Variants in SNX2 observed in about 807,000 individuals in gnomAD.
SNX2 encodes sorting nexin-2.
In SNX2, 25 loss-of-function variants were observed where a neutral mutation model predicts 69.9. The ratio of observed to expected loss-of-function variants is 0.36; its 90% CI spans 0.26 to 0.50. SNX2 has a LOEUF of 0.50. SNX2 is among the 20% of genes least tolerant of loss of function. The probability of loss-of-function intolerance (pLI) is 0.97; values close to 1 mark genes in which losing one functional copy is unlikely to be tolerated. For missense variants in SNX2, 551 were observed against 613.3 expected, an observed-to-expected ratio of 0.90 and a Z score of 1.07; for synonymous variants, 229 against 200.4, an observed-to-expected ratio of 1.14 and a Z score of -1.20.
chr5:122,829,049 G>A (rs998798652), intron 14 of SNX2, among the ~76,000 whole-genome samples: 1 of 152,044 alleles, frequency 6.6e-6, no homozygotes, highest in African/African-American at 2.4e-5. Context: ...ACTGGGAGGT[G>A]GAGGTTGCAG....
At chr5:122,807,607 A>C (rs1440867794) in intron 6 of SNX2, among the ~76,000 whole-genome samples, 1 of 152,216 alleles carries the variant, frequency 6.6e-6, no homozygotes, top group Non-Finnish European at 1.5e-5. Context: ...TACATTTTTG[A>C]AAGGAAAAAG....
chr5:122,822,625 A>G (rs1343561358), intron 11 of SNX2, among the ~76,000 whole-genome samples: 2 of 152,212 alleles, frequency 1.3e-5, no homozygotes, highest in Non-Finnish European at 2.9e-5. Context: ...TACCCATTTC[A>G]AAATATTGCC....
intron 1 of SNX2, among the ~76,000 whole-genome samples, chr5:122,789,456 C>CAG (rs1554061822): frequency 9.5e-6 from 1 of 105,500 alleles, no homozygotes; most frequent in African/African-American, 4.4e-5. Flanking sequence ...CACACACACA[C>CAG]ACACACAGAC....
chr5:122,827,701 TC>T, intron 14 of SNX2, 55 bp downstream of exon 14: 2 of 1,285,670 alleles, frequency 1.6e-6, no homozygotes, highest in Non-Finnish European at 2.2e-6. Flanking sequence ...TGGTATACTT[TC>T]TTATTTTAAA....
At chr5:122,783,181 G>A (rs547167108) in intron 1 of SNX2, among the ~76,000 whole-genome samples, 30 of 151,422 alleles carry the variant, frequency 2.0e-4, no homozygotes, top group East Asian at 1.5e-3. Context: ...TCTTGACCTC[G>A]TGATCCACCC....
chr5:122,829,520 T>G, intron 14 of SNX2, 78 bp from the exon 15 acceptor site: 1 of 1,193,634 alleles, frequency 8.4e-7, no homozygotes, highest in Non-Finnish European at 1.2e-6. Context: ...AGATTTTTTT[T>G]TAATGCTGTA....
rs188538695 is a variant in SNX2 at position 122,828,285 on chromosome 5, A to G, written c.1509+639A>G. 1.8e-4 allele frequency among the ~76,000 whole-genome samples: 28 copies of G among 152,272 alleles called. 1 individual carries two copies. The highest frequency in any genetic ancestry group is 1.6e-3 in the Admixed American group (25 of 15,306). On this transcript the variant is annotated intron_variant, in intron 14 of 14. Transcript: ENST00000379516. ...TAGAATGTCATTTGTGTAAAACATA[A>G]TAGGTTGTTTTTGAATTAAGTGGTA...
chr5:122,809,056 G>A (rs1169874437), intron 7 of SNX2, among the ~76,000 whole-genome samples: 1 of 151,916 alleles, frequency 6.6e-6, no homozygotes, highest in African/African-American at 2.4e-5. Flanking sequence ...AACTATGGAT[G>A]GAAAATATTT....
chr5:122,812,431 T>G (rs1753801313), intron 7 of SNX2, among the ~76,000 whole-genome samples: 1 of 152,212 alleles, frequency 6.6e-6, no homozygotes. Flanking sequence ...AATGCTTTGT[T>G]CCTAGGTATC....
At chr5:122,816,796 C>T (rs1441814154) in intron 8 of SNX2, 119 bp from the exon 9 acceptor site, 2 of 494,466 alleles carry the variant, frequency 4.0e-6, no homozygotes, top group African/African-American at 5.0e-5. Flanking sequence ...AAAATACAAC[C>T]TCTTTTTTAA....
intron 1 of SNX2, 103 bp downstream of exon 1, chr5:122,775,314 C>T: frequency 7.0e-7 from 1 of 1,435,290 alleles, no homozygotes; most frequent in Non-Finnish European, 9.2e-7. Context: ...TTGCAAGGAC[C>T]GTCTTGGGGT....
At chr5:122,821,194 C>T (rs1024788533) in intron 11 of SNX2, among the ~76,000 whole-genome samples, 3 of 152,190 alleles carry the variant, frequency 2.0e-5, no homozygotes, top group Non-Finnish European at 4.4e-5. Context: ...TCTAATAGCT[C>T]AGCAAGGTAA....
At chr5:122,797,948 CTCAGTA>C (rs1190841894) in intron 2 of SNX2, among the ~76,000 whole-genome samples, 2 of 152,114 alleles carry the variant, frequency 1.3e-5, no homozygotes, top group Admixed American at 1.3e-4. Flanking sequence ...TAACACAAAA[CTCAGTA>C]TCAGTAAAGT....
At chr5:122,813,021 C>A (rs947480302) in intron 7 of SNX2, among the ~76,000 whole-genome samples, 2 of 152,184 alleles carry the variant, frequency 1.3e-5, no homozygotes, top group Non-Finnish European at 2.9e-5. Flanking sequence ...ATTTGAAGAA[C>A]AATTACTGAG....
intron 7 of SNX2, among the ~76,000 whole-genome samples, chr5:122,809,407 A>G (rs1386738843): frequency 6.6e-6 from 1 of 152,154 alleles, no homozygotes; most frequent in East Asian, 1.9e-4. Flanking sequence ...AGCTTTGAAG[A>G]CTTGTCTTCC....
chr5:122,792,512 G>A (rs111714490), intron 1 of SNX2, among the ~76,000 whole-genome samples: 4,603 of 151,602 alleles, frequency 0.03, 260 homozygotes, highest in African/African-American at 0.11. Flanking sequence ...CAGGAGAATC[G>A]CTTGAACCCG....
chr5:122,798,204 T>C (rs1224863328), intron 2 of SNX2, among the ~76,000 whole-genome samples: 1 of 152,136 alleles, frequency 6.6e-6, no homozygotes, highest in Non-Finnish European at 1.5e-5. Flanking sequence ...TTTCATTTCT[T>C]TACAAAAAGA....
intron 11 of SNX2, 133 bp from the exon 12 acceptor site, chr5:122,825,917 T>C: frequency 1.4e-6 from 1 of 716,436 alleles, no homozygotes; most frequent in Non-Finnish European, 2.1e-6. Flanking sequence ...CATACTTACT[T>C]TCAGTATCTT....
chr5:122,825,785 C>A (rs567786792), intron 11 of SNX2, among the ~76,000 whole-genome samples: 2 of 151,998 alleles, frequency 1.3e-5, no homozygotes, highest in Non-Finnish European at 2.9e-5. Context: ...ATATTTAAAG[C>A]CCTAAAGGCT....
Sources: allele counts gnomAD v4.1 joint callset (sites outside exome capture counted in the v4.1 genomes callset), GRCh38; gene constraint gnomAD v4.1.1; transcripts MANE v1.5; gene names NCBI Gene and HGNC (gene_info 2026-07-23, HGNC 2026-07-21).